Variants in OXNAD1 observed in about 807,000 individuals in gnomAD.
OXNAD1 encodes the protein oxidoreductase NAD binding domain containing 1.
OXNAD1 carries 34 observed loss-of-function variants against 32.9 expected under a neutral mutation model. That is an observed-to-expected ratio of 1.03 (90% confidence interval 0.79 to 1.38). The LOEUF (loss-of-function observed/expected upper bound fraction) is 1.38, where lower values mean the gene tolerates loss of function less well. Among genes scored for constraint, OXNAD1 ranks in the 40% most tolerant of loss-of-function variants. The pLI, the probability that OXNAD1 is intolerant of heterozygous loss-of-function variation, is 0.00. For missense variants in OXNAD1, 407 were observed against 379.4 expected (o/e 1.07, Z -0.60); for synonymous variants, 134 against 135.2 (o/e 0.99, Z 0.06).
downstream of OXNAD1, among the ~76,000 whole-genome samples, chr3:16,307,547 C>T (rs189836644): frequency 5.3e-5 from 8 of 151,790 alleles, no homozygotes; most frequent in Non-Finnish European, 5.9e-5. Context: ...CTTGATAAGA[C>T]GGATGGTGGG....
At chr3:16,350,541 T>G (rs1270620829), downstream of OXNAD1, among the ~76,000 whole-genome samples, 1 of 152,084 alleles carries the variant, frequency 6.6e-6, no homozygotes, top group East Asian at 1.9e-4. Context: ...CATACTATTC[T>G]GTAAACAGGT....
chr3:16,334,483 A>G lies in OXNAD1; in HGVS notation c.*31-2629A>G, dbSNP rs542884807. Among the ~76,000 whole-genome samples the G allele has an allele frequency of 1.3e-5, 2 of 152,342 alleles. No homozygotes were observed. Among genetic ancestry groups the G allele is most frequent in the East Asian group, 3.9e-4 (2 of 5,184 alleles). On this transcript the variant is annotated intron_variant, in intron 9 of 9. Transcript: ENST00000435829. The surrounding 1 kb of genome is among the most constrained non-coding windows in gnomAD (Gnocchi z 4.3). ...CTGGAGAGCGGTCTGCAGTAGCAAG[A>G]CACTGGAAACTACTCAAGTGCCCAT...
chr3:16,303,437 G>A lies in OXNAD1; in HGVS notation c.814G>A (p.Asp272Asn). The A allele has an allele frequency of 6.2e-7, 1 of 1,613,962 alleles. No homozygotes were observed. The highest frequency in any genetic ancestry group is 8.5e-7 in the Non-Finnish European group (1 of 1,179,878). ...AAGAATAACGGAGAAGGAGATAAGA[G>A]ATCATATTTCAAAAGAGACTTTGTT... ...EGRITEKEIR[D>N]HISKETLFYI... Residue 272 changes from aspartate (D) to asparagine (N), a missense_variant, in exon 9 of 9, where the codon GAT (aspartate) becomes AAT (asparagine). Asp to Asn is a conservative substitution (Grantham distance 23, BLOSUM62 1). Coordinates refer to ENST00000285083, the MANE Select transcript of OXNAD1 (RefSeq NM_138381.5). This position sits in a 1 kb window ranked among gnomAD's most constrained non-coding sequence, Gnocchi z 4.8.
chr3:16,271,488 G>A lies in OXNAD1; in HGVS notation c.120-171G>A, dbSNP rs555787157. On this transcript the variant is annotated intron_variant, in intron 3 of 8. Transcript: ENST00000285083. The surrounding 1 kb of genome is among the most constrained non-coding windows in gnomAD (Gnocchi z 4.6). ...CAAAGTGCTGAGATTACAGGCATGAGCCACCATGCCCGGCCAAAACTTTAG... is the reference window on the plus strand; with the variant it reads ...CAAAGTGCTGAGATTACAGGCATGAACCACCATGCCCGGCCAAAACTTTAG... Among the ~76,000 whole-genome samples the A allele has an allele frequency of 4.6e-5, 7 of 152,340 alleles. No individual in the cohort carries two copies. The South Asian group carries it at 1.0e-3, about 23-fold the overall frequency.
In OXNAD1 at chr3:16,299,195, T is replaced by A. The variant is rs778436299; in HGVS notation, c.433-2431T>A. Among the ~76,000 whole-genome samples, 29 of 152,216 alleles carry A rather than the reference T, an allele frequency of 1.9e-4. No individual in the cohort carries two copies. The highest frequency in any genetic ancestry group is 1.9e-3 in the Admixed American group (29 of 15,280). ...ATTATTTCAGTCTCTTTCACTCTGA[T>A]TCTTATAGATAAAGAGAGAACTGCA... is the stretch of plus-strand genomic sequence containing the variant. On this transcript the variant is annotated intron_variant, in intron 6 of 8. Coordinates refer to ENST00000285083, the MANE Select transcript of OXNAD1 (RefSeq NM_138381.5). The surrounding 1 kb of genome is among the most constrained non-coding windows in gnomAD (Gnocchi z 4.4).
chr3:16,270,869 C>T (rs1441925177), intron 2 of OXNAD1, 76 bp from the exon 3 acceptor site: 2 of 1,585,548 alleles, frequency 1.3e-6, no homozygotes, highest in Non-Finnish European at 1.7e-6. Context: ...CTCTTCCTCA[C>T]TGACCCTCTA....
rs1447921556 is a variant in OXNAD1, at chr3:16,288,276, G to A, written c.290+1828G>A. Among the ~76,000 whole-genome samples the A allele has an allele frequency of 6.6e-6, 1 of 152,208 alleles. No homozygotes were observed. Among genetic ancestry groups the A allele is most frequent in the Non-Finnish European group, 1.5e-5 (1 of 68,034 alleles). The stretch of plus-strand genomic sequence containing the variant: ...AGGATTAGGGATAGGAAGTGAGGAT[G>A]TGGCTGCCATGCAGTTTGTGTAGGT... On this transcript the variant is annotated intron_variant, in intron 5 of 8. Transcript: ENST00000285083. This position sits in a 1 kb window ranked among gnomAD's most constrained non-coding sequence, Gnocchi z 5.1.
chr3:16,336,168 G>A lies in OXNAD1; in HGVS notation c.*31-944G>A, dbSNP rs1020588054. On this transcript the variant is annotated intron_variant, in intron 9 of 9. Transcript: ENST00000435829. The surrounding 1 kb of genome is among the most constrained non-coding windows in gnomAD (Gnocchi z 6.0). ...TGGAAGGCAGATGCTGGAACACGGC[G>A]GGCAGTGTTGCAGAAAACTCCACGT... 7.2e-5 allele frequency among the ~76,000 whole-genome samples: 11 copies of A among 152,232 alleles called. No individual in the cohort carries two copies. The highest frequency in any genetic ancestry group is 2.1e-4 in the South Asian group (1 of 4,830).
Position 16,297,723 on chromosome 3 carries a change from G to A in OXNAD1, c.432+2726G>A, listed in dbSNP as rs981776595. 2.0e-5 allele frequency among the ~76,000 whole-genome samples: 3 copies of A among 152,146 alleles called. No homozygotes were observed. The highest frequency in any genetic ancestry group is 4.4e-5 in the Non-Finnish European group (3 of 68,036). On this transcript the variant is annotated intron_variant, in intron 6 of 8. Transcript: ENST00000285083. The surrounding 1 kb of genome is among the most constrained non-coding windows in gnomAD (Gnocchi z 4.3). Reference sequence around the variant, plus strand: ...AGAGGCATTCTGTTGAGTGCAAGGAGGCAGTCCCAAAAGGTTACATACTGT... The same window carrying A: ...AGAGGCATTCTGTTGAGTGCAAGGAAGCAGTCCCAAAAGGTTACATACTGT...
Position 16,269,260 on chromosome 3 carries a change from C to A in OXNAD1, c.-24C>A. On this transcript the variant is annotated 5_prime_UTR_variant, in exon 2 of 9. Transcript: ENST00000285083. The stretch of plus-strand genomic sequence containing the variant: ...CCATATACTTAATGACTCCTAAAAT[C>A]TCGTGGACTTCTAAGGTAAGTTTCA... 1.3e-6 allele frequency: 2 copies of A among 1,535,350 alleles called. No homozygotes were observed. Among genetic ancestry groups the A allele is most frequent in the African/African-American group, 2.7e-5 (2 of 73,158 alleles).
intron 4 of OXNAD1, chr3:16,275,161 G>C (rs1412047787): frequency 5.7e-6 from 1 of 176,014 alleles, no homozygotes; most frequent in Non-Finnish European, 1.3e-5. Context: ...AACTTCCAAA[G>C]ACTTCAGTCT....
At position 16,330,318 on chromosome 3, in the gene OXNAD1, A is replaced by T. The variant is rs560965890; in HGVS notation, c.*31-6794A>T. ...ATTAATGTTAAATGTGATTTTCCGT[A>T]AGCATCTATCACAGCCCGTTTGCAT... On this transcript the variant is annotated intron_variant, in intron 9 of 9. Transcript: ENST00000435829. Among the ~76,000 whole-genome samples, 223 of 152,364 alleles carry T rather than the reference A, an allele frequency of 1.5e-3. 1 individual carries two copies. Among genetic ancestry groups the T allele is most frequent in the African/African-American group, 5.0e-3 (207 of 41,578 alleles).
At chr3:16,343,896 A>T (rs981622010) in intron 9 of OXNAD1, among the ~76,000 whole-genome samples, 1 of 152,226 alleles carries the variant, frequency 6.6e-6, no homozygotes, top group Non-Finnish European at 1.5e-5. Context: ...TGATAGTCTT[A>T]TAGATGGCCC....
chr3:16,270,847 C>T, intron 2 of OXNAD1, 98 bp from the exon 3 acceptor site: 2 of 1,531,820 alleles, frequency 1.3e-6, no homozygotes, highest in South Asian at 1.2e-5. Flanking sequence ...ATAGCACCAA[C>T]AGAAATCCAC....
Position 16,348,614 on chromosome 3 carries a change from C to A in OXNAD1, c.*31-562C>A, listed in dbSNP as rs1000039465. ...TTTCCTTTGTAGGATGTCTTCTTCC[C>A]GAGGCTCCTTGATGTGTGGGGCCTC... On this transcript the variant is annotated intron_variant, in intron 9 of 9. Transcript: ENST00000606098. This position sits in a 1 kb window ranked among gnomAD's most constrained non-coding sequence, Gnocchi z 6.3. Among the ~76,000 whole-genome samples the A allele has an allele frequency of 3.3e-5, 5 of 152,108 alleles. No individual in the cohort carries two copies. The highest frequency in any genetic ancestry group is 5.9e-5 in the Non-Finnish European group (4 of 68,016).
At chr3:16,328,373 T>G (rs2069949180) in intron 9 of OXNAD1, among the ~76,000 whole-genome samples, 1 of 152,270 alleles carries the variant, frequency 6.6e-6, no homozygotes, top group South Asian at 2.1e-4. Flanking sequence ...GCTATCCTGC[T>G]GGTGGCCCTT....
chr3:16,350,941 A>G (rs1375345314), downstream of OXNAD1, among the ~76,000 whole-genome samples: 1 of 152,052 alleles, frequency 6.6e-6, no homozygotes, highest in Non-Finnish European at 1.5e-5. Context: ...AATTGATGTT[A>G]CTCCCTGGCA....
chr3:16,306,569 C>T (rs567157961), downstream of OXNAD1, among the ~76,000 whole-genome samples: 25 of 152,090 alleles, frequency 1.6e-4, no homozygotes, highest in South Asian at 5.0e-3. Context: ...TAATGGCACA[C>T]TCCTTACACC....
Position 16,298,098 on chromosome 3 carries a change from A to AT in OXNAD1, c.432+3102dup, listed in dbSNP as rs1460417173. ...GCCTGTGTAGGCATTTCCATTGTAA[A>AT]TGTATCCTGTCACATTTTTACCCTG... On this transcript the variant is annotated intron_variant, in intron 6 of 8. Transcript: ENST00000285083. The surrounding 1 kb of genome is among the most constrained non-coding windows in gnomAD (Gnocchi z 5.1). Among the ~76,000 whole-genome samples the AT allele has an allele frequency of 6.6e-6, 1 of 152,006 alleles. No individual in the cohort carries two copies. The highest frequency in any genetic ancestry group is 1.5e-5 in the Non-Finnish European group (1 of 68,000).
Sources: gnomAD v4.1 joint callset for allele counts (sites outside exome capture counted in the v4.1 genomes callset) on GRCh38, gnomAD v4.1.1 for gene constraint, Gnocchi (gnomAD v3.1) non-coding constraint, MANE v1.5 for transcripts, NCBI Gene and HGNC (gene_info 2026-07-23, HGNC 2026-07-21) for gene names.